Variants in CDK19 observed in about 807,000 individuals in gnomAD.
CDK19 encodes the protein cyclin-dependent kinase 19.
A neutral mutation model predicts 68.3 loss-of-function variants in CDK19; 20 were observed. The ratio of observed to expected loss-of-function variants is 0.29; its 90% CI spans 0.21 to 0.43. CDK19 has a LOEUF of 0.43. Among genes scored for constraint, CDK19 ranks in the 20% least tolerant of loss-of-function variants. The pLI is 1.00. For missense variants in CDK19, 339 were observed against 623.5 expected, an observed-to-expected ratio of 0.54 and a Z score of 4.86; for synonymous variants, 221 against 222.8, an observed-to-expected ratio of 0.99 and a Z score of 0.07.
intron 2 of CDK19, among the ~76,000 whole-genome samples, chr6:110,705,517 G>C: frequency 6.6e-6 from 1 of 152,104 alleles, no homozygotes; most frequent in South Asian, 2.1e-4. Flanking sequence ...GGGAGCAAAT[G>C]GGAAGGGCAT....
intron 2 of CDK19, among the ~76,000 whole-genome samples, chr6:110,725,540 CAGAG>C (rs1037244008): frequency 1.3e-5 from 2 of 151,764 alleles, no homozygotes; most frequent in Admixed American, 6.6e-5. Flanking sequence ...AATCAGTAGA[CAGAG>C]AGAGAGGGGC....
chr6:110,759,290 A>T (rs1199654441), intron 1 of CDK19, among the ~76,000 whole-genome samples: 2 of 150,356 alleles, frequency 1.3e-5, no homozygotes, highest in Admixed American at 6.6e-5. Context: ...CTGTAGTCCC[A>T]GCTACTCGGG....
intron 1 of CDK19, among the ~76,000 whole-genome samples, chr6:110,772,776 C>A (rs1221195668): frequency 6.6e-6 from 1 of 151,240 alleles, no homozygotes; most frequent in Non-Finnish European, 1.5e-5. Context: ...GCCTGTGGTC[C>A]CAGCTACTTG....
intron 2 of CDK19, among the ~76,000 whole-genome samples, chr6:110,729,828 T>C (rs767031365): frequency 3.2e-4 from 49 of 152,086 alleles, no homozygotes; most frequent in Non-Finnish European, 7.4e-5. Context: ...CACTGCAGCC[T>C]CAAACTCCTG....
intron 3 of CDK19, 147 bp from the exon 4 acceptor site, chr6:110,667,721 A>C (rs997709419): frequency 2.8e-5 from 13 of 464,314 alleles, no homozygotes; most frequent in African/African-American, 4.0e-5. Context: ...TTGAGTAATA[A>C]GTTCAACCAA....
intron 2 of CDK19, among the ~76,000 whole-genome samples, chr6:110,711,360 A>G (rs1774926354): frequency 6.6e-6 from 1 of 152,224 alleles, no homozygotes; most frequent in Admixed American, 6.5e-5. Flanking sequence ...GCTTGACAAT[A>G]TCCTTAGTAA....
intron 1 of CDK19, among the ~76,000 whole-genome samples, chr6:110,784,938 G>A (rs1042069121): frequency 8.6e-5 from 13 of 152,042 alleles, no homozygotes; most frequent in Admixed American, 3.3e-4. Flanking sequence ...GCCACAAAAA[G>A]TTGATTAGAG....
chr6:110,705,961 C>G (rs542070955), intron 2 of CDK19, among the ~76,000 whole-genome samples: 1 of 149,868 alleles, frequency 6.7e-6, no homozygotes, highest in Non-Finnish European at 1.5e-5. Flanking sequence ...TAAACCTGCA[C>G]GTTCTACACA....
At chr6:110,681,455 TTCA>T (rs940189341) in intron 2 of CDK19, among the ~76,000 whole-genome samples, 1 of 152,224 alleles carries the variant, frequency 6.6e-6, no homozygotes, top group Non-Finnish European at 1.5e-5. Context: ...ACAAGTTTTC[TTCA>T]ATGAGCATTA....
chr6:110,693,561 G>A (rs1773215838), intron 2 of CDK19, among the ~76,000 whole-genome samples: 3 of 152,182 alleles, frequency 2.0e-5, no homozygotes, highest in South Asian at 4.1e-4. Context: ...TGCTGTTAGT[G>A]GGGCACAACA....
chr6:110,717,060 A>C (rs1483328305), intron 2 of CDK19, among the ~76,000 whole-genome samples: 1 of 152,174 alleles, frequency 6.6e-6, no homozygotes, highest in African/African-American at 2.4e-5. Flanking sequence ...GGAACCTGGG[A>C]GGCACAGGTT....
intron 2 of CDK19, among the ~76,000 whole-genome samples, chr6:110,703,832 C>T (rs1329076433): frequency 6.6e-6 from 1 of 151,914 alleles, no homozygotes; most frequent in Non-Finnish European, 1.5e-5. Flanking sequence ...AGAGCAAGAC[C>T]CTGTTTCTAA....
At chr6:110,675,202 G>C (rs1378482655) in intron 2 of CDK19, among the ~76,000 whole-genome samples, 1 of 152,222 alleles carries the variant, frequency 6.6e-6, no homozygotes, top group Non-Finnish European at 1.5e-5. Flanking sequence ...TTCATAGCTA[G>C]AGAGAAGTCA....
intron 8 of CDK19, among the ~76,000 whole-genome samples, chr6:110,626,060 G>C (rs1173801690): frequency 6.6e-6 from 1 of 152,132 alleles, no homozygotes; most frequent in Non-Finnish European, 1.5e-5. Flanking sequence ...CCTTCTGCCA[G>C]CCTTCCAGGT....
rs1427502023 is a variant in CDK19 at position 110,814,619 on chromosome 6, C to T, written c.128+390G>A. 2.8e-5 allele frequency: 13 copies of T among 471,326 alleles called. No homozygotes were observed. The Admixed American group carries it at 3.0e-4, about 11-fold the overall frequency. 29.2% of individuals were successfully genotyped at this position (471,326 alleles called of 1,614,324 possible). On this transcript the variant is annotated intron_variant, in intron 1 of 12. Coordinates refer to ENST00000368911, the MANE Select transcript of CDK19 (RefSeq NM_015076.5). ...CGATTGGAAGTTCCACAACGACCGT[C>T]ACTACCCAGGGCCGGAGCGGCAACT...
intron 1 of CDK19, chr6:110,813,076 T>C (rs990362106): frequency 5.3e-5 from 8 of 151,498 alleles, no homozygotes; most frequent in African/African-American, 1.9e-4. Flanking sequence ...AAAAGCATTA[T>C]ATTTTGAAGA....
rs989834250 is a variant in CDK19 at position 110,613,745 on chromosome 6, T to C, written c.*790A>G. 1 of 152,654 alleles carries C rather than the reference T, an allele frequency of 6.6e-6. No individual in the cohort carries two copies. The highest frequency in any genetic ancestry group is 1.5e-5 in the Non-Finnish European group (1 of 68,036). 9.5% of individuals were successfully genotyped at this position (152,654 alleles called of 1,614,324 possible). On this transcript the variant is annotated 3_prime_UTR_variant, in exon 13 of 13. Transcript: ENST00000368911. ...TGTACAAAGCTCTTGAAACCCTTTT[T>C]AAGGTAGACTTAGCTACATGAAGGT...
Position 110,670,479 on chromosome 6 carries a change from A to G in CDK19, c.267T>C (p.Ser89=). The change falls in exon 3 of 13, where the codon AGT becomes AGC. Residue 89 remains serine, a synonymous_variant. Transcript: ENST00000368911. ...CAAACAGCAGCCATACCTTCCTGTC[A>G]CTGTGAGAAAGGAACACCTTCTGCA... ...IALQKVFLSH[S]DRKVWLLFDY... 6.2e-7 allele frequency: 1 copy of G among 1,612,860 alleles called. No homozygotes were observed. The highest frequency in any genetic ancestry group is 2.2e-5 in the East Asian group (1 of 44,868).
At chr6:110,792,406 T>C (rs1000902713) in intron 1 of CDK19, among the ~76,000 whole-genome samples, 4 of 151,992 alleles carry the variant, frequency 2.6e-5, no homozygotes, top group Admixed American at 1.3e-4. Flanking sequence ...CTTTTTTTGT[T>C]GTTGTCTTGC....
Sources: gnomAD v4.1 joint callset for allele counts (sites outside exome capture counted in the v4.1 genomes callset) on GRCh38, gnomAD v4.1.1 for gene constraint, MANE v1.5 for transcripts, NCBI Gene and HGNC (gene_info 2026-07-23, HGNC 2026-07-21) for gene names.